GRM1: variants seen among roughly 807,000 people sequenced by gnomAD.
The protein encoded by GRM1 is metabotropic glutamate receptor 1.
A neutral mutation model predicts 90.9 loss-of-function variants in GRM1; 33 were observed. The ratio of observed to expected loss-of-function variants is 0.36; its 90% CI spans 0.28 to 0.49. The LOEUF is 0.49. Ranked by LOEUF, GRM1 falls within the 20% of genes least tolerant of loss-of-function variation. GRM1 has a pLI of 0.99. For synonymous variants in GRM1, 700 were observed against 613.2 expected (o/e 1.14, Z -2.09); for missense variants, 1,190 against 1,534.3 (o/e 0.78, Z 3.75).
chr6:146,086,744 A>G (rs1376243847), intron 1 of GRM1, among the ~76,000 whole-genome samples: 1 of 152,084 alleles, frequency 6.6e-6, no homozygotes, highest in Non-Finnish European at 1.5e-5. Flanking sequence ...TAGGCAGTGC[A>G]GATATGCAGT....
chr6:146,122,342 C>T (rs1164715149), intron 1 of GRM1, among the ~76,000 whole-genome samples: 1 of 152,000 alleles, frequency 6.6e-6, no homozygotes, highest in Admixed American at 6.6e-5. Context: ...TTGGAGTTTT[C>T]AAATTTTATT....
intron 1 of GRM1, among the ~76,000 whole-genome samples, chr6:146,111,861 C>A (rs1378362467): frequency 1.3e-5 from 2 of 152,172 alleles, no homozygotes; most frequent in Non-Finnish European, 2.9e-5. Context: ...GCTCGTGATA[C>A]AATGCTTGAT....
chr6:146,265,308 G>A (rs946714317), intron 2 of GRM1, among the ~76,000 whole-genome samples: 1 of 152,096 alleles, frequency 6.6e-6, no homozygotes, highest in South Asian at 2.1e-4. Flanking sequence ...TTGTATATTT[G>A]TTGGCCACTT....
intron 3 of GRM1, among the ~76,000 whole-genome samples, chr6:146,332,792 C>G (rs1029740374): frequency 2.0e-5 from 3 of 152,086 alleles, no homozygotes; most frequent in Non-Finnish European, 2.9e-5. Flanking sequence ...GGTATTTTGT[C>G]CTCCTCAAAA....
intron 2 of GRM1, among the ~76,000 whole-genome samples, chr6:146,288,989 AG>A (rs762375282): frequency 4.6e-5 from 7 of 152,200 alleles, no homozygotes; most frequent in Non-Finnish European, 1.0e-4. Flanking sequence ...ATTGTATAAA[AG>A]TGTAACACTT....
chr6:146,257,893 C>G (rs761506492), intron 2 of GRM1, among the ~76,000 whole-genome samples: 2 of 151,728 alleles, frequency 1.3e-5, no homozygotes, highest in East Asian at 1.9e-4. Flanking sequence ...ATGTTTAATC[C>G]GAGCACCTCA....
chr6:146,410,677 A>T (rs1249714084), intron 7 of GRM1, among the ~76,000 whole-genome samples: 1 of 152,134 alleles, frequency 6.6e-6, no homozygotes, highest in African/African-American at 2.4e-5. Flanking sequence ...TAGACCAAGA[A>T]GGAGATTAAG....
At chr6:146,157,395 A>G (rs2128890287) in intron 1 of GRM1, among the ~76,000 whole-genome samples, 1 of 152,354 alleles carries the variant, frequency 6.6e-6, no homozygotes, top group East Asian at 1.9e-4. Context: ...AGAGAAGATT[A>G]TGAGGTAATG....
chr6:146,134,273 A>C (rs1776522217), intron 1 of GRM1, among the ~76,000 whole-genome samples: 1 of 152,218 alleles, frequency 6.6e-6, no homozygotes, highest in African/African-American at 2.4e-5. Flanking sequence ...GCAAAATGGC[A>C]TGTTGTGGGT....
At chr6:146,092,304 T>C (rs1776740744) in intron 1 of GRM1, among the ~76,000 whole-genome samples, 1 of 152,062 alleles carries the variant, frequency 6.6e-6, no homozygotes, top group Non-Finnish European at 1.5e-5. Context: ...AGGATTTGCC[T>C]ACTGACACTC....
chr6:146,110,604 A>G (rs747347863), intron 1 of GRM1, among the ~76,000 whole-genome samples: 1 of 152,136 alleles, frequency 6.6e-6, no homozygotes, highest in Non-Finnish European at 1.5e-5. Flanking sequence ...CCTTCTCTCA[A>G]TGAATCAGAA....
chr6:146,198,592 A>C (rs1296384611), intron 2 of GRM1, among the ~76,000 whole-genome samples: 1 of 152,172 alleles, frequency 6.6e-6, no homozygotes, highest in Non-Finnish European at 1.5e-5. Context: ...CCATACACCT[A>C]GTGGGCCCAC....
intron 7 of GRM1, among the ~76,000 whole-genome samples, chr6:146,421,747 C>G (rs1335028016): frequency 6.6e-6 from 1 of 151,914 alleles, no homozygotes; most frequent in Non-Finnish European, 1.5e-5. Context: ...TATTTTACAC[C>G]TATATGGAAA....
chr6:146,399,520 G>C lies in GRM1; in HGVS notation c.2481G>C (p.Leu827=), dbSNP rs1465066841. ...TGAGTCTCAGTGTAACAGTGGCTCT[G>C]GGGTGCATGTTCACTCCCAAGATGT... is the stretch of plus-strand genomic sequence containing the variant. ...FAVSLSVTVA[L]GCMFTPKMYI... is the part of the protein sequence containing the mutation. Residue 827 remains leucine, a synonymous_variant, in exon 7 of 8, where the codon CTG becomes CTC. Coordinates refer to ENST00000282753, the MANE Select transcript of GRM1 (RefSeq NM_001278064.2). This position sits in a 1 kb window ranked among gnomAD's most constrained non-coding sequence, Gnocchi z 5.4. 1.2e-6 allele frequency: 2 copies of C among 1,613,986 alleles called. No homozygotes were observed. Among genetic ancestry groups the C allele is most frequent in the East Asian group, 2.2e-5 (1 of 44,882 alleles).
At chr6:146,222,686 G>A (rs1780109777) in intron 2 of GRM1, among the ~76,000 whole-genome samples, 1 of 152,080 alleles carries the variant, frequency 6.6e-6, no homozygotes, top group African/African-American at 2.4e-5. Flanking sequence ...TGATTCAAAT[G>A]TTAGTTTAAT....
intron 2 of GRM1, among the ~76,000 whole-genome samples, chr6:146,300,211 A>G (rs1783323989): frequency 6.6e-6 from 1 of 152,216 alleles, no homozygotes; most frequent in Non-Finnish European, 1.5e-5. Flanking sequence ...CCTAGACTGT[A>G]ATTATTTTAA....
chr6:146,323,513 T>G (rs1403814069), intron 3 of GRM1, among the ~76,000 whole-genome samples: 1 of 152,192 alleles, frequency 6.6e-6, no homozygotes, highest in Non-Finnish European at 1.5e-5. Flanking sequence ...ATGAGTAGGT[T>G]GCAAAAATTT....
intron 5 of GRM1, among the ~76,000 whole-genome samples, chr6:146,361,241 G>A (rs1260464371): frequency 1.3e-5 from 2 of 152,184 alleles, no homozygotes; most frequent in Non-Finnish European, 2.9e-5. Context: ...GGGAGAGAGA[G>A]ACAGCAAGAG....
intron 3 of GRM1, among the ~76,000 whole-genome samples, chr6:146,337,122 C>CTGGAGATG (rs1784800499): frequency 6.6e-6 from 1 of 152,160 alleles, no homozygotes; most frequent in Non-Finnish European, 1.5e-5. Context: ...ATGGTGACCT[C>CTGGAGATG]TGGAGATGTG....
Sources: allele counts gnomAD v4.1 joint callset (sites outside exome capture counted in the v4.1 genomes callset), GRCh38; gene constraint gnomAD v4.1.1; non-coding constraint Gnocchi (gnomAD v3.1); transcripts MANE v1.5; gene names NCBI Gene and HGNC (gene_info 2026-07-23, HGNC 2026-07-21).